HTR7: variants seen among roughly 807,000 people sequenced by gnomAD.
The protein encoded by HTR7 is 5-hydroxytryptamine receptor 7.
In HTR7, 16 loss-of-function variants were observed where a neutral mutation model predicts 34.0. The observed-to-expected ratio is 0.47, with a 90% CI of 0.32 to 0.71. The LOEUF is 0.71. Ranked by LOEUF, HTR7 falls within the 30% of genes least tolerant of loss-of-function variation. HTR7 has a pLI of 0.04. For synonymous variants in HTR7, 265 were observed against 260.2 expected, an observed-to-expected ratio of 1.02 and a Z score of -0.18; for missense variants, 504 against 625.5, an observed-to-expected ratio of 0.81 and a Z score of 2.07.
intron 1 of HTR7, among the ~76,000 whole-genome samples, chr10:90,805,188 T>C (rs1262619962): frequency 2.5e-4 from 38 of 152,076 alleles, no homozygotes; most frequent in Non-Finnish European, 2.9e-5. Flanking sequence ...TTACAGGAAA[T>C]GGTCATTACT....
intron 1 of HTR7, among the ~76,000 whole-genome samples, chr10:90,826,343 T>C (rs1846073273): frequency 6.6e-6 from 1 of 152,044 alleles, no homozygotes; most frequent in Admixed American, 6.5e-5. Context: ...GTCCTACAAG[T>C]AAACGGAATT....
intron 1 of HTR7, among the ~76,000 whole-genome samples, chr10:90,801,113 AAG>A (rs1845618795): frequency 6.6e-6 from 1 of 152,108 alleles, no homozygotes; most frequent in South Asian, 2.1e-4. Flanking sequence ...CTCCTCTAAA[AAG>A]GGAGTTTGCT....
At chr10:90,809,938 G>T (rs573988602) in intron 1 of HTR7, among the ~76,000 whole-genome samples, 1 of 152,236 alleles carries the variant, frequency 6.6e-6, no homozygotes, top group East Asian at 1.9e-4. Flanking sequence ...AGACCATCAC[G>T]GACTCCGAGC....
At chr10:90,761,588 G>A (rs1178614701) in intron 1 of HTR7, among the ~76,000 whole-genome samples, 1 of 151,818 alleles carries the variant, frequency 6.6e-6, no homozygotes, top group Non-Finnish European at 1.5e-5. Context: ...TACTATGTGA[G>A]GTAACACATC....
At chr10:90,849,140 T>C (rs1846456937) in intron 1 of HTR7, among the ~76,000 whole-genome samples, 1 of 152,270 alleles carries the variant, frequency 6.6e-6, no homozygotes, top group African/African-American at 2.4e-5. Flanking sequence ...AATATTCTTG[T>C]AGAAGACTTT....
At chr10:90,755,669 T>C (rs543614788) in intron 1 of HTR7, among the ~76,000 whole-genome samples, 29 of 152,314 alleles carry the variant, frequency 1.9e-4, no homozygotes, top group African/African-American at 7.0e-4. Flanking sequence ...GAAATGTCAC[T>C]AACAGCCATC....
chr10:90,823,256 C>T (rs1846015453), intron 1 of HTR7, among the ~76,000 whole-genome samples: 1 of 152,192 alleles, frequency 6.6e-6, no homozygotes, highest in Admixed American at 6.5e-5. Context: ...GGGGGCTATA[C>T]CCTGCAGATA....
intron 1 of HTR7, among the ~76,000 whole-genome samples, chr10:90,760,747 G>A (rs527864854): frequency 1.3e-5 from 2 of 152,232 alleles, no homozygotes; most frequent in East Asian, 3.9e-4. Flanking sequence ...CAGGCGTGGT[G>A]GTGGGCATCT....
At position 90,743,643 on chromosome 10, in the gene HTR7, G is replaced by A. The variant is rs33954285; in HGVS notation, c.1343C>T (p.Pro448Leu). The change falls in exon 3 of 4, where the codon CCG (proline) becomes CTG (leucine). Residue 448 changes from proline to leucine, a missense_variant. Around this residue, in one of 4 missense-constraint regions of HTR7, gnomAD observed 154 missense variants for 212.1 expected, o/e 0.73. Coordinates refer to ENST00000336152, the MANE Select transcript of HTR7 (RefSeq NM_019859.4). ...AGATTGTAGCACCCACACAGATACCGGTGGCCTCTTTTCTGGTCTCAACAG... is the reference window on the plus strand; with the variant it reads ...AGATTGTAGCACCCACACAGATACCAGTGGCCTCTTTTCTGGTCTCAACAG... ...RVLLRPEKRP[P>L]VSVWVLQSPD... 5.3e-5 allele frequency: 85 copies of A among 1,613,792 alleles called. No individual in the cohort carries two copies. Among genetic ancestry groups the A allele is most frequent in the Middle Eastern group, 4.9e-4 (3 of 6,084 alleles).
At chr10:90,852,764 C>T (rs749287876) in intron 1 of HTR7, among the ~76,000 whole-genome samples, 1 of 152,168 alleles carries the variant, frequency 6.6e-6, no homozygotes, top group Non-Finnish European at 1.5e-5. Flanking sequence ...ACATACTATA[C>T]AATTCCATTT....
At chr10:90,789,049 A>C (rs1171925872) in intron 1 of HTR7, among the ~76,000 whole-genome samples, 1 of 152,160 alleles carries the variant, frequency 6.6e-6, no homozygotes, top group Non-Finnish European at 1.5e-5. Flanking sequence ...GATGCAATAT[A>C]ATGTTATATT....
chr10:90,773,031 T>C (rs1845143617), intron 1 of HTR7, among the ~76,000 whole-genome samples: 1 of 152,224 alleles, frequency 6.6e-6, no homozygotes, highest in Non-Finnish European at 1.5e-5. Context: ...ATTTACAAAG[T>C]ATATCCATAC....
chr10:90,840,601 A>C (rs1041853887), intron 1 of HTR7, among the ~76,000 whole-genome samples: 3 of 152,152 alleles, frequency 2.0e-5, no homozygotes, highest in African/African-American at 7.2e-5. Flanking sequence ...GAACTGTTCA[A>C]ATTTTTCTTA....
rs190123624 is a variant in HTR7 at position 90,829,585 on chromosome 10, G to A, written c.539+27548C>T. 1.5e-4 allele frequency among the ~76,000 whole-genome samples: 23 copies of A among 151,500 alleles called. 1 individual carries two copies. In the East Asian group the frequency reaches 4.3e-3, roughly 28 times the overall value. ...TCCCTGTGAAGGATCCCCACTTTTT[G>A]CCACTGTTATTCAACACAGTACTGG... On this transcript the variant is annotated intron_variant, in intron 1 of 3. Coordinates refer to ENST00000336152, the MANE Select transcript of HTR7 (RefSeq NM_019859.4).
intron 3 of HTR7, among the ~76,000 whole-genome samples, chr10:90,742,757 C>G (rs1192732016): frequency 6.6e-6 from 1 of 152,088 alleles, no homozygotes; most frequent in African/African-American, 2.4e-5. Flanking sequence ...TGCAAATCAG[C>G]CCCAAATAAC....
At chr10:90,839,548 G>C (rs1022785052) in intron 1 of HTR7, among the ~76,000 whole-genome samples, 2 of 152,194 alleles carry the variant, frequency 1.3e-5, no homozygotes, top group Non-Finnish European at 2.9e-5. Flanking sequence ...TCAGGGATTT[G>C]AATCAGAACA....
intron 1 of HTR7, among the ~76,000 whole-genome samples, chr10:90,828,520 G>A (rs1044126994): frequency 6.6e-6 from 1 of 152,104 alleles, no homozygotes; most frequent in Middle Eastern, 3.4e-3. Context: ...AAAAAGAAAG[G>A]CATTATAACT....
intron 1 of HTR7, among the ~76,000 whole-genome samples, chr10:90,766,703 G>T (rs1372948019): frequency 1.3e-5 from 2 of 152,010 alleles, no homozygotes; most frequent in African/African-American, 4.8e-5. Flanking sequence ...TCTACTACAG[G>T]TCTTTCCTTT....
intron 1 of HTR7, among the ~76,000 whole-genome samples, chr10:90,758,840 A>C (rs1414611929): frequency 6.6e-6 from 1 of 152,352 alleles, no homozygotes; most frequent in East Asian, 1.9e-4. Context: ...TCTCAACAGC[A>C]GAATTCCATG....
Sources: allele counts gnomAD v4.1 joint callset (sites outside exome capture counted in the v4.1 genomes callset), GRCh38; gene constraint gnomAD v4.1.1; regional missense constraint gnomAD v4.1.1; transcripts MANE v1.5; gene names NCBI Gene and HGNC (gene_info 2026-07-23, HGNC 2026-07-21).